Variants in HIGD1C observed in about 807,000 individuals in gnomAD.
The protein encoded by HIGD1C is HIG1 domain family member 1C.
A neutral mutation model predicts 13.1 loss-of-function variants in HIGD1C; 11 were observed. That is an observed-to-expected ratio of 0.84 (90% CI 0.53 to 1.39). The LOEUF (loss-of-function observed/expected upper bound fraction) is 1.39, where lower values mean the gene tolerates loss of function less well. Among genes scored for constraint, HIGD1C ranks in the 40% most tolerant of loss-of-function variants. The pLI, the probability that HIGD1C is intolerant of heterozygous loss-of-function variation, is 0.00. For missense variants in HIGD1C, 110 were observed against 112.0 expected, an observed-to-expected ratio of 0.98 and a Z score of 0.08; for synonymous variants, 36 against 37.7, an observed-to-expected ratio of 0.95 and a Z score of 0.17.
chr12:50,932,941 A>G, the HIGD1C span, among the ~76,000 whole-genome samples: 5 of 152,182 alleles, frequency 3.3e-5, no homozygotes, highest in Non-Finnish European at 5.9e-5. Context: ...TAATCCAACC[A>G]TCTCACTATT....
chr12:50,937,348 C>T, the HIGD1C span, among the ~76,000 whole-genome samples: 4 of 152,358 alleles, frequency 2.6e-5, no homozygotes, highest in East Asian at 7.7e-4. Flanking sequence ...GACCTGCCTC[C>T]AGCTTGGGCG....
At chr12:50,940,520 A>T in the HIGD1C span, among the ~76,000 whole-genome samples, 8 of 152,088 alleles carry the variant, frequency 5.3e-5, no homozygotes, top group South Asian at 2.1e-4. Flanking sequence ...GAAGATTAAG[A>T]CCTAACTGGG....
intron 1 of HIGD1C, among the ~76,000 whole-genome samples, chr12:50,959,021 GA>G (rs1422852717): frequency 6.6e-6 from 1 of 151,800 alleles, no homozygotes; most frequent in African/African-American, 2.4e-5. Flanking sequence ...TGTCTCAAAA[GA>G]AAAACAAACA....
chr12:50,950,677 T>TC (rs1938873668), upstream of HIGD1C, among the ~76,000 whole-genome samples: 2 of 140,748 alleles, frequency 1.4e-5, no homozygotes, highest in African/African-American at 2.7e-5. Context: ...CTAATTTTTT[T>TC]TTTTTTTTTT....
downstream of HIGD1C, among the ~76,000 whole-genome samples, chr12:50,970,982 G>C (rs187817641): frequency 6.6e-6 from 1 of 152,158 alleles, no homozygotes; most frequent in Admixed American, 6.6e-5. Context: ...AGGTTCAAGT[G>C]ATTCTCCTGA....
At chr12:50,942,889 C>T in the HIGD1C span, among the ~76,000 whole-genome samples, 4 of 141,644 alleles carry the variant, frequency 2.8e-5, no homozygotes, top group East Asian at 2.2e-4. Context: ...TTTTGAGATG[C>T]AGTTTCACTC....
chr12:50,964,540 T>G (rs1474990387), intron 2 of HIGD1C, among the ~76,000 whole-genome samples: 1 of 152,174 alleles, frequency 6.6e-6, no homozygotes, highest in East Asian at 1.9e-4. Flanking sequence ...TCCTGTGTAA[T>G]GAAGAGATGA....
upstream of HIGD1C, among the ~76,000 whole-genome samples, chr12:50,952,967 AG>A (rs1337592823): frequency 1.3e-5 from 2 of 152,154 alleles, no homozygotes; most frequent in African/African-American, 4.8e-5. Flanking sequence ...GGCAGACTTA[AG>A]CAAATGCATC....
At chr12:50,952,404 C>T (rs1938928646), upstream of HIGD1C, among the ~76,000 whole-genome samples, 1 of 152,158 alleles carries the variant, frequency 6.6e-6, no homozygotes, top group Non-Finnish European at 1.5e-5. Context: ...AAGGGAAAAA[C>T]CATGAACGCT....
chr12:50,961,218 T>C, intron 2 of HIGD1C, 116 bp downstream of exon 4: 1 of 1,056,690 alleles, frequency 9.5e-7, no homozygotes, highest in Non-Finnish European at 1.4e-6. Flanking sequence ...GAGAGAGGGG[T>C]AGGAAAGACT....
At chr12:50,971,675 C>T (rs975782669), downstream of HIGD1C, among the ~76,000 whole-genome samples, 3 of 152,038 alleles carry the variant, frequency 2.0e-5, no homozygotes, top group African/African-American at 7.2e-5. Context: ...AAGCTTAATC[C>T]CAAAGACTCC....
At chr12:50,938,564 G>A in the HIGD1C span, among the ~76,000 whole-genome samples, 28,974 of 152,136 alleles carry the variant, frequency 0.19, 2,858 homozygotes, top group South Asian at 0.27. Flanking sequence ...CCCAGCCCCT[G>A]TGGACTCTAC....
chr12:50,954,914 T>A (rs1307190305), intron 1 of HIGD1C, among the ~76,000 whole-genome samples: 2 of 152,182 alleles, frequency 1.3e-5, no homozygotes, highest in Non-Finnish European at 2.9e-5. Context: ...TCATTTTGGC[T>A]GCTCAGTGGC....
intron 1 of HIGD1C, among the ~76,000 whole-genome samples, chr12:50,960,047 T>C (rs11169634): frequency 0.062 from 9,477 of 152,264 alleles, 654 homozygotes; most frequent in East Asian, 0.28. Context: ...TGATGAGTTC[T>C]TTGTTTCAGA....
upstream of HIGD1C, among the ~76,000 whole-genome samples, chr12:50,950,482 C>T (rs1276271602): frequency 3.3e-5 from 5 of 152,014 alleles, no homozygotes; most frequent in African/African-American, 9.7e-5. Flanking sequence ...AAAAGCTATT[C>T]CTCATTAGAA....
upstream of HIGD1C, among the ~76,000 whole-genome samples, chr12:50,950,988 G>GTT (rs111545265): frequency 6.6e-6 from 1 of 150,762 alleles, no homozygotes. Context: ...CCGGCCATAA[G>GTT]TTTTTTTTTA....
the HIGD1C span, among the ~76,000 whole-genome samples, chr12:50,935,977 T>C: frequency 6.6e-6 from 1 of 151,900 alleles, no homozygotes; most frequent in African/African-American, 2.4e-5. Context: ...GGCCAACATG[T>C]TGAAACCTCA....
At chr12:50,955,074 T>C (rs374781002) in intron 1 of HIGD1C, among the ~76,000 whole-genome samples, 1 of 152,092 alleles carries the variant, frequency 6.6e-6, no homozygotes, top group Admixed American at 6.6e-5. Context: ...GGTGGATCAC[T>C]TGAGGTCAGG....
chr12:50,958,282 C>CTTT (rs71089718), intron 1 of HIGD1C, among the ~76,000 whole-genome samples: 3 of 133,924 alleles, frequency 2.2e-5, no homozygotes, highest in Non-Finnish European at 3.2e-5. Context: ...CTAAAATAAT[C>CTTT]TTTTTTTTTT....
Sources: allele counts gnomAD v4.1 joint callset (sites outside exome capture counted in the v4.1 genomes callset), GRCh38; gene constraint gnomAD v4.1.1; transcripts MANE v1.5; gene names NCBI Gene and HGNC (gene_info 2026-07-23, HGNC 2026-07-21).